The following SFI1 variants were observed in gnomAD, a reference collection of about 807,000 sequenced individuals.
SFI1 encodes the protein protein SFI1 homolog.
Under a neutral mutation model 207.5 loss-of-function variants are expected in SFI1, and 195 were observed. That is an observed-to-expected ratio of 0.94 (90% CI 0.84 to 1.06). The LOEUF (loss-of-function observed/expected upper bound fraction) is 1.06. Ranked by LOEUF, SFI1 falls within the 50% of genes least tolerant of loss-of-function variation. The pLI, the probability that SFI1 is intolerant of heterozygous loss-of-function variation, is 0.00. For missense variants in SFI1, 1,634 were observed against 1,588.0 expected (o/e 1.03, Z -0.49); for synonymous variants, 630 against 598.9 (o/e 1.05, Z -0.76).
chr22:31,547,018 C>T, intron 5 of SFI1, 47 bp downstream of exon 5: 2 of 1,317,616 alleles, frequency 1.5e-6, no homozygotes, highest in Non-Finnish European at 2.1e-6. Flanking sequence ...TGCACATTAT[C>T]AGATGATTAT....
At chr22:31,537,007 C>G (rs1332318970) in intron 4 of SFI1, among the ~76,000 whole-genome samples, 1 of 151,864 alleles carries the variant, frequency 6.6e-6, no homozygotes, top group Non-Finnish European at 1.5e-5. Context: ...TGCTCTGCCT[C>G]CCAAAGTGTT....
Position 31,613,150 on chromosome 22 carries a change from C to A in SFI1, c.2499C>A (p.Ala833=). The A allele has an allele frequency of 6.2e-7, 1 of 1,613,538 alleles. No homozygotes were observed. Among genetic ancestry groups the A allele is most frequent in the South Asian group, 1.1e-5 (1 of 91,074 alleles). The stretch of plus-strand genomic sequence containing the variant: ...GGTCTTTCTGGCCCTAGCTGGCAGC[C>A]AGGAGGCAGGAGCAGCGGGCGACAG... ...CFRQWRQQLA[A]RRQEQRATVR... The change falls in exon 25 of 33, where the codon GCC becomes GCA. Residue 833 remains alanine (A), a synonymous_variant. Coordinates refer to ENST00000400288, the MANE Select transcript of SFI1 (RefSeq NM_001007467.3).
Position 31,613,837 on chromosome 22 carries a change from A to T in SFI1, c.2978A>T (p.Glu993Val). ...GCTCTGGGCCGCCTGGCTGCTGAGG[A>T]GCCCCACGCCCTGGAGCTGTGAGTA... Reference protein sequence around the residue: ...LGALGRLAAEEPHALELNTAH... With the variant: ...LGALGRLAAEVPHALELNTAH... Residue 993 changes from glutamate (E) to valine (V), a missense_variant, in exon 27 of 33, where the codon GAG becomes GTG. Coordinates refer to ENST00000400288, the MANE Select transcript of SFI1 (RefSeq NM_001007467.3). 6.2e-7 allele frequency: 1 copy of T among 1,606,816 alleles called. No homozygotes were observed.
At chr22:31,535,375 A>G (rs987306446) in intron 4 of SFI1, among the ~76,000 whole-genome samples, 1 of 150,850 alleles carries the variant, frequency 6.6e-6, no homozygotes. Context: ...TTTTTAGTAG[A>G]GACAGCATTT....
intron 32 of SFI1, 36 bp from the exon 33 acceptor site, chr22:31,618,278 T>C: frequency 6.2e-7 from 1 of 1,604,744 alleles, no homozygotes; most frequent in Non-Finnish European, 8.5e-7. Flanking sequence ...CGGGCTGTGC[T>C]CCCTCTCAGC....
intron 15 of SFI1, among the ~76,000 whole-genome samples, chr22:31,593,987 C>CAAGGGA (rs1569421632): frequency 3.8e-5 from 2 of 53,164 alleles, no homozygotes; most frequent in Non-Finnish European, 9.0e-5. Flanking sequence ...GAGACGGAGA[C>CAAGGGA]GAGGGAGAGG....
chr22:31,555,671 C>T (rs936473804), intron 6 of SFI1, among the ~76,000 whole-genome samples: 2 of 152,124 alleles, frequency 1.3e-5, no homozygotes, highest in African/African-American at 4.8e-5. Context: ...AGAGAGGCAC[C>T]ATTTTACAGA....
chr22:31,607,747 T>C (rs1374861055), intron 21 of SFI1, 190 bp from the exon 22 acceptor site: 2 of 472,358 alleles, frequency 4.2e-6, no homozygotes, highest in Admixed American at 3.4e-5. Context: ...CTGGGCTTCC[T>C]GTGAGGGGCT....
chr22:31,556,769 C>T (rs1476618335), intron 6 of SFI1, among the ~76,000 whole-genome samples, 173 bp from the exon 7 acceptor site: 3 of 152,228 alleles, frequency 2.0e-5, no homozygotes, highest in Admixed American at 2.0e-4. Flanking sequence ...ACAGAGCCTT[C>T]ATGTGTTCTT....
At chr22:31,559,941 T>C (rs565198984) in intron 7 of SFI1, 63 of 549,204 alleles carry the variant, frequency 1.1e-4, no homozygotes, top group African/African-American at 8.6e-4. Flanking sequence ...AAGAAATAAG[T>C]CTGCAGGCCT....
At chr22:31,503,695 C>T (rs1478746264) in intron 1 of SFI1, among the ~76,000 whole-genome samples, 4 of 141,902 alleles carry the variant, frequency 2.8e-5, no homozygotes, top group Non-Finnish European at 4.5e-5. Context: ...ACAAGTGATT[C>T]TCTTGTTTCA....
Position 31,596,275 on chromosome 22 carries a change from C to A in SFI1, c.1545-5937C>A, listed in dbSNP as rs550845771. 8.6e-5 allele frequency among the ~76,000 whole-genome samples: 13 copies of A among 151,890 alleles called. No homozygotes were observed. In the South Asian group the frequency reaches 2.1e-3, roughly 24 times the overall value. The stretch of plus-strand genomic sequence containing the variant: ...TCTCAAAATAAATATCTCTCTCTCT[C>A]TCTATCTATCTGTCTATCCATCTGG... On this transcript the variant is annotated intron_variant, in intron 15 of 32. Coordinates refer to ENST00000400288, the MANE Select transcript of SFI1 (RefSeq NM_001007467.3).
intron 6 of SFI1, among the ~76,000 whole-genome samples, chr22:31,556,695 AG>A (rs2061202820): frequency 6.6e-6 from 1 of 152,214 alleles, no homozygotes; most frequent in East Asian, 1.9e-4. Context: ...TTTAAAGCAA[AG>A]GGTTTTTGAG....
chr22:31,510,087 G>C (rs2055267202), intron 2 of SFI1, among the ~76,000 whole-genome samples: 1 of 151,974 alleles, frequency 6.6e-6, no homozygotes, highest in Admixed American at 6.6e-5. Flanking sequence ...ACCTCTGCCT[G>C]CCAAAGTGCT....
chr22:31,575,106 G>A (rs2063344188), intron 9 of SFI1, 125 bp from the exon 10 acceptor site: 3 of 521,396 alleles, frequency 5.8e-6, no homozygotes, highest in Non-Finnish European at 9.4e-6. Context: ...GTGTGTGTGT[G>A]TGTGTGTGTG....
rs1484093283 is a variant in SFI1 at position 31,585,112 on chromosome 22, C to T, written c.1391C>T (p.Thr464Ile). Residue 464 changes from threonine to isoleucine, a missense_variant, in exon 14 of 33, where the codon ACT (threonine) becomes ATT (isoleucine). By Grantham distance (89) the Thr-to-Ile change is moderately conservative. Transcript: ENST00000400288. ...CKCIELWLQY[T>I]QKRRYKQLLQ... is the part of the protein sequence containing the mutation. ...TGTATCGAATTGTGGCTACAGTATA[C>T]TCAGAAGAGGCGGTACAAGCAGGTA... 1.2e-6 allele frequency: 2 copies of T among 1,613,916 alleles called. No individual in the cohort carries two copies. Among genetic ancestry groups the T allele is most frequent in the Non-Finnish European group, 1.7e-6 (2 of 1,179,968 alleles).
At chr22:31,540,823 C>T (rs919306730) in intron 4 of SFI1, among the ~76,000 whole-genome samples, 2 of 152,094 alleles carry the variant, frequency 1.3e-5, no homozygotes, top group Middle Eastern at 3.2e-3. Context: ...AAGTGATCCA[C>T]CCACCTTGGC....
At chr22:31,599,114 G>A (rs1003489001) in intron 15 of SFI1, among the ~76,000 whole-genome samples, 3 of 149,870 alleles carry the variant, frequency 2.0e-5, no homozygotes, top group Non-Finnish European at 4.4e-5. Flanking sequence ...TTTTTTTATG[G>A]TTAGTGATTT....
At chr22:31,601,555 A>G (rs1051388324) in intron 15 of SFI1, among the ~76,000 whole-genome samples, 2 of 152,248 alleles carry the variant, frequency 1.3e-5, no homozygotes, top group Non-Finnish European at 2.9e-5. Context: ...AGCGTTGGTC[A>G]GCATGCACTG....
Sources: allele counts gnomAD v4.1 joint callset (sites outside exome capture counted in the v4.1 genomes callset), GRCh38; gene constraint gnomAD v4.1.1; transcripts MANE v1.5; gene names NCBI Gene and HGNC (gene_info 2026-07-23, HGNC 2026-07-21).